The following MERTK variants were observed in gnomAD, a reference collection of about 807,000 sequenced individuals.
MERTK encodes MER proto-oncogene, tyrosine kinase.
In MERTK, 69 loss-of-function variants were observed where a neutral mutation model predicts 99.3. That is an observed-to-expected ratio of 0.70 (90% CI 0.57 to 0.85). MERTK has a LOEUF of 0.85. MERTK is among the 40% of genes least tolerant of loss of function. The pLI is 0.00. For synonymous variants in MERTK, 426 were observed against 467.6 expected, an observed-to-expected ratio of 0.91 and a Z score of 1.15; for missense variants, 1,125 against 1,249.4, an observed-to-expected ratio of 0.90 and a Z score of 1.50.
intron 13 of MERTK, among the ~76,000 whole-genome samples, chr2:112,004,626 A>T (rs1676943720): frequency 6.6e-6 from 1 of 152,174 alleles, no homozygotes; most frequent in Non-Finnish European, 1.5e-5. Flanking sequence ...TAAGAGGCTT[A>T]ACCAGCCGGG....
intron 12 of MERTK, chr2:112,003,417 T>C (rs1171635721): frequency 2.6e-6 from 1 of 390,118 alleles, no homozygotes; most frequent in Non-Finnish European, 4.6e-6. Context: ...TTGAAAAATA[T>C]TAATTTTCTT....
At chr2:111,916,550 T>C (rs1322117264) in intron 1 of MERTK, among the ~76,000 whole-genome samples, 2 of 152,170 alleles carry the variant, frequency 1.3e-5, no homozygotes, top group Admixed American at 6.5e-5. Flanking sequence ...AAAATTTCCT[T>C]TTGATTTTTA....
chr2:111,910,619 T>TAC (rs1684228405), intron 1 of MERTK, among the ~76,000 whole-genome samples: 3 of 151,450 alleles, frequency 2.0e-5, no homozygotes, highest in African/African-American at 7.3e-5. Flanking sequence ...TGTATATATA[T>TAC]ATATATATAC....
At chr2:111,998,397 C>G (rs377203106) in intron 10 of MERTK, among the ~76,000 whole-genome samples, 2 of 152,114 alleles carry the variant, frequency 1.3e-5, no homozygotes, top group Non-Finnish European at 2.9e-5. Context: ...AAGAGTAGCT[C>G]ATTAATATGT....
intron 18 of MERTK, among the ~76,000 whole-genome samples, chr2:112,023,643 C>T (rs1296424423): frequency 6.6e-6 from 1 of 152,124 alleles, no homozygotes; most frequent in African/African-American, 2.4e-5. Flanking sequence ...CAATTAATCT[C>T]CCCCAAGCAC....
In MERTK at chr2:111,963,101, G is replaced by A. The variant is rs4335953; in HGVS notation, c.758-2090G>A. Among the ~76,000 whole-genome samples, 295 of 152,224 alleles carry A rather than the reference G, an allele frequency of 1.9e-3. 1 individual carries two copies. The highest frequency in any genetic ancestry group is 7.0e-3 in the African/African-American group (289 of 41,516). ...GGAGAGAAGGTCAGCAGATAAACAC[G>A]TGAACAAAGGTCTCTGCAACATAGA... is the stretch of plus-strand genomic sequence containing the variant. On this transcript the variant is annotated intron_variant, in intron 4 of 18. Coordinates refer to ENST00000295408, the MANE Select transcript of MERTK (RefSeq NM_006343.3).
chr2:112,016,313 A>C (rs1677215058), intron 15 of MERTK, among the ~76,000 whole-genome samples: 1 of 152,216 alleles, frequency 6.6e-6, no homozygotes, highest in Non-Finnish European at 1.5e-5. Context: ...GTGTATTTTC[A>C]ATGATGGAAA....
At chr2:111,967,657 C>G (rs867266941) in intron 5 of MERTK, among the ~76,000 whole-genome samples, 1 of 152,106 alleles carries the variant, frequency 6.6e-6, no homozygotes, top group Non-Finnish European at 1.5e-5. Flanking sequence ...CACACTCATG[C>G]GTGCACACAC....
chr2:112,019,804 TC>T (rs1677297344), intron 16 of MERTK, among the ~76,000 whole-genome samples: 1 of 152,208 alleles, frequency 6.6e-6, no homozygotes, highest in Non-Finnish European at 1.5e-5. Context: ...TTGTGATCCT[TC>T]CCCAGCCATC....
intron 3 of MERTK, 70 bp downstream of exon 3, chr2:111,945,130 G>A (rs1453226399): frequency 8.2e-7 from 1 of 1,226,526 alleles, no homozygotes; most frequent in Non-Finnish European, 1.2e-6. Context: ...AATGTTTTGT[G>A]TATAATACTC....
rs555711416 is a variant in MERTK at position 112,013,849 on chromosome 2, T to C, written c.2079+3783T>C. 2.7e-5 allele frequency among the ~76,000 whole-genome samples: 4 copies of C among 148,676 alleles called. 1 individual carries two copies. In the South Asian group the frequency reaches 8.8e-4, roughly 33 times the overall value. On this transcript the variant is annotated intron_variant, in intron 15 of 18. Transcript: ENST00000295408. ...ATTTAATTTATGGTACGTTGTATAA[T>C]TTGGGAGGGGGGTGGTGGCGGGGGG...
At chr2:112,014,227 T>G (rs1677167935) in intron 15 of MERTK, among the ~76,000 whole-genome samples, 1 of 152,118 alleles carries the variant, frequency 6.6e-6, no homozygotes, top group Non-Finnish European at 1.5e-5. Context: ...TTCACTGTTT[T>G]AGCCAGGATG....
chr2:111,973,681 C>T (rs1300298077), intron 6 of MERTK, among the ~76,000 whole-genome samples: 6 of 152,108 alleles, frequency 3.9e-5, no homozygotes, highest in African/African-American at 1.4e-4. Flanking sequence ...ATCATTTTGT[C>T]TGTTCTGATT....
intron 7 of MERTK, among the ~76,000 whole-genome samples, chr2:111,976,257 G>GT (rs1429282785): frequency 2.6e-5 from 4 of 152,160 alleles, no homozygotes; most frequent in Non-Finnish European, 5.9e-5. Flanking sequence ...CTGTTCTCTT[G>GT]TTTTTTTGTG....
chr2:112,008,977 G>A (rs977093286), intron 14 of MERTK, among the ~76,000 whole-genome samples: 7 of 152,166 alleles, frequency 4.6e-5, no homozygotes, highest in South Asian at 2.1e-4. Flanking sequence ...ATGATTTAAC[G>A]TAATTTGGCT....
In MERTK at chr2:111,965,540, A is replaced by G. The variant is rs4848908; in HGVS notation, c.844+263A>G. On this transcript the variant is annotated intron_variant, in intron 5 of 18. Coordinates refer to ENST00000295408, the MANE Select transcript of MERTK (RefSeq NM_006343.3). ...GAAGTGCCTGGCATATAGGTCTTTG[A>G]TAAACATTCACTCGTTTAGCTCTGC... Among the ~76,000 whole-genome samples the G allele has an allele frequency of 0.21, 32,153 of 152,212 alleles. 4,173 individuals carry two copies. Among genetic ancestry groups the G allele is most frequent in the East Asian group, 0.71 (3,690 of 5,176 alleles).
chr2:111,944,622 C>T (rs1684930500), intron 2 of MERTK, among the ~76,000 whole-genome samples: 1 of 1,876 alleles, frequency 5.3e-4, no homozygotes, highest in Admixed American at 8.2e-3. Flanking sequence ...GTCTTGAGTC[C>T]TCAGGCAGTT....
intron 4 of MERTK, chr2:111,952,232 C>G (rs1382602739): frequency 1.2e-5 from 2 of 161,306 alleles, no homozygotes; most frequent in Admixed American, 6.2e-5. Flanking sequence ...TCAAGGTGGA[C>G]TACTAGGTTT....
At chr2:111,935,832 A>G (rs149754787) in intron 2 of MERTK, among the ~76,000 whole-genome samples, 11 of 152,276 alleles carry the variant, frequency 7.2e-5, no homozygotes, top group Non-Finnish European at 1.5e-4. Context: ...CTTGAAATTA[A>G]TCTTTTATTG....
Sources: gnomAD v4.1 joint callset for allele counts (sites outside exome capture counted in the v4.1 genomes callset) on GRCh38, gnomAD v4.1.1 for gene constraint, MANE v1.5 for transcripts, NCBI Gene and HGNC (gene_info 2026-07-23, HGNC 2026-07-21) for gene names.